The following IARS1 variants were observed in gnomAD, a reference collection of about 807,000 sequenced individuals.
IARS1 encodes the protein isoleucyl-tRNA synthetase 1.
Under a neutral mutation model 168.2 loss-of-function variants are expected in IARS1, and 124 were observed. The observed-to-expected ratio is 0.74, with a 90% CI of 0.64 to 0.86. The LOEUF is 0.86. IARS1 is among the 40% of genes least tolerant of loss of function. The pLI is 0.00. For synonymous variants in IARS1, 532 were observed against 529.4 expected, an observed-to-expected ratio of 1.00 and a Z score of -0.07; for missense variants, 1,452 against 1,515.8, an observed-to-expected ratio of 0.96 and a Z score of 0.70.
At chr9:92,289,077 G>A (rs1451085903) in intron 2 of IARS1, among the ~76,000 whole-genome samples, 2 of 151,686 alleles carry the variant, frequency 1.3e-5, no homozygotes, top group East Asian at 3.9e-4. Flanking sequence ...TGTGATGGCG[G>A]GCACCTGTAA....
chr9:92,221,430 T>C (rs1301381016), intron 33 of IARS1, among the ~76,000 whole-genome samples: 1 of 152,212 alleles, frequency 6.6e-6, no homozygotes, highest in Non-Finnish European at 1.5e-5. Context: ...AAGTCTTGAA[T>C]TGAGATGTCA....
At chr9:92,291,904 A>G (rs910157035) in intron 1 of IARS1, among the ~76,000 whole-genome samples, 1 of 152,170 alleles carries the variant, frequency 6.6e-6, no homozygotes, top group Non-Finnish European at 1.5e-5. Context: ...CATTCACATC[A>G]AAGTCTGAAC....
At position 92,278,332 on chromosome 9, in the gene IARS1, T is replaced by G. The variant is rs144334242; in HGVS notation, c.746-46A>C. ...ATGGACTTGGGTTATATTCTGAACTTGGCTGATTCCAAAGACATGCATCAA... is the reference window on the plus strand; with the variant it reads ...ATGGACTTGGGTTATATTCTGAACTGGGCTGATTCCAAAGACATGCATCAA... On this transcript the variant is annotated intron_variant, in intron 7 of 33. Coordinates refer to ENST00000443024, the MANE Select transcript of IARS1 (RefSeq NM_002161.6). 201 of 1,320,598 alleles carry G rather than the reference T, an allele frequency of 1.5e-4. No individual in the cohort carries two copies. In the African/African-American group the frequency reaches 2.4e-3, roughly 16 times the overall value. The allele number at this position is 1,320,598 out of a possible 1,614,324, so 81.8% of individuals were successfully genotyped here.
At chr9:92,251,974 C>CA in intron 21 of IARS1, 89 bp from the exon 22 acceptor site, 1 of 911,656 alleles carries the variant, frequency 1.1e-6, no homozygotes, top group East Asian at 2.6e-5. Flanking sequence ...AGGCAATCTT[C>CA]AAAGAACATG....
chr9:92,266,433 G>A (rs1832296375), intron 14 of IARS1, among the ~76,000 whole-genome samples: 1 of 152,210 alleles, frequency 6.6e-6, no homozygotes, highest in East Asian at 1.9e-4. Flanking sequence ...AGGCTATATG[G>A]TGGAGCCTAT....
chr9:92,283,167 C>T (rs7036078), intron 6 of IARS1, among the ~76,000 whole-genome samples: 35,473 of 152,058 alleles, frequency 0.23, 5,611 homozygotes, highest in African/African-American at 0.44. Flanking sequence ...ATACAGACCG[C>T]GTAGAATAGA....
At chr9:92,271,115 T>C (rs766814621) in intron 11 of IARS1, 39 bp from the exon 12 acceptor site, 5 of 1,286,046 alleles carry the variant, frequency 3.9e-6, no homozygotes, top group Non-Finnish European at 4.4e-6. Flanking sequence ...TAAAACATAC[T>C]ATAATACTTA....
At chr9:92,223,837 A>C (rs1825200239) in intron 31 of IARS1, among the ~76,000 whole-genome samples, 1 of 152,250 alleles carries the variant, frequency 6.6e-6, no homozygotes, top group Non-Finnish European at 1.5e-5. Context: ...AAAAAGTGCT[A>C]ATTACAGTCA....
intron 30 of IARS1, among the ~76,000 whole-genome samples, chr9:92,233,186 T>C (rs1826979734): frequency 6.6e-6 from 1 of 152,244 alleles, no homozygotes; most frequent in Non-Finnish European, 1.5e-5. Context: ...AAATAATGTG[T>C]TCCAGAAATT....
At chr9:92,290,273 T>C (rs1364889112) in intron 1 of IARS1, among the ~76,000 whole-genome samples, 2 of 152,230 alleles carry the variant, frequency 1.3e-5, no homozygotes, top group Admixed American at 6.5e-5. Flanking sequence ...TAGTATCTTG[T>C]GGTTTTGATT....
At chr9:92,217,632 A>C (rs951153842) in intron 33 of IARS1, among the ~76,000 whole-genome samples, 1 of 151,676 alleles carries the variant, frequency 6.6e-6, no homozygotes. Flanking sequence ...ACCATCAGAG[A>C]ATACTACAAA....
intron 33 of IARS1, among the ~76,000 whole-genome samples, chr9:92,220,262 C>G (rs1424850318): frequency 2.9e-3 from 204 of 70,212 alleles, no homozygotes; most frequent in African/African-American, 0.02. Context: ...ACTCTGGGGA[C>G]TGTTGTGGGG....
chr9:92,252,387 T>C (rs191582281), intron 21 of IARS1: 144 of 516,804 alleles, frequency 2.8e-4, no homozygotes, highest in African/African-American at 2.4e-3. Flanking sequence ...TCTTAGCATA[T>C]GTCCTTCTAG....
chr9:92,229,707 C>T (rs1426551079), intron 30 of IARS1, among the ~76,000 whole-genome samples: 4 of 152,162 alleles, frequency 2.6e-5, no homozygotes, highest in African/African-American at 9.7e-5. Flanking sequence ...AGGCCCCTTA[C>T]CCAGTTTCCC....
At chr9:92,234,560 T>C (rs1827201819) in intron 30 of IARS1, among the ~76,000 whole-genome samples, 1 of 152,226 alleles carries the variant, frequency 6.6e-6, no homozygotes, top group Admixed American at 6.5e-5. Flanking sequence ...CTGCTCATGC[T>C]GCTGGCCCTC....
At chr9:92,214,579 C>T (rs1245882623) in intron 33 of IARS1, among the ~76,000 whole-genome samples, 1 of 152,176 alleles carries the variant, frequency 6.6e-6, no homozygotes, top group African/African-American at 2.4e-5. Flanking sequence ...GTGCGCGAGC[C>T]GAAGCAGGGC....
At chr9:92,259,143 T>C in intron 18 of IARS1, 145 bp from the exon 19 acceptor site, 1 of 734,296 alleles carries the variant, frequency 1.4e-6, no homozygotes, top group Non-Finnish European at 2.1e-6. Context: ...AGTGGTCAAT[T>C]TAAAACTCAC....
intron 8 of IARS1, 72 bp from the exon 9 acceptor site, chr9:92,277,995 C>T: frequency 7.1e-7 from 1 of 1,405,126 alleles, no homozygotes; most frequent in East Asian, 2.3e-5. Flanking sequence ...ATCAAGCTAC[C>T]ACTCCCCTCT....
At chr9:92,261,337 C>T (rs879848926) in intron 17 of IARS1, among the ~76,000 whole-genome samples, 6 of 151,906 alleles carry the variant, frequency 3.9e-5, no homozygotes, top group African/African-American at 7.3e-5. Flanking sequence ...GCCAATTCCC[C>T]CAAGTTAGTT....
Sources: gnomAD v4.1 joint callset for allele counts (sites outside exome capture counted in the v4.1 genomes callset) on GRCh38, gnomAD v4.1.1 for gene constraint, MANE v1.5 for transcripts, NCBI Gene and HGNC (gene_info 2026-07-23, HGNC 2026-07-21) for gene names.